The following GRID2 variants were observed in gnomAD, a reference collection of about 807,000 sequenced individuals.
The protein encoded by GRID2 is glutamate receptor ionotropic, delta-2.
In GRID2, 33 loss-of-function variants were observed where a neutral mutation model predicts 114.8. That is an observed-to-expected ratio of 0.29 (90% CI 0.22 to 0.38). GRID2 has a LOEUF of 0.38. Among genes scored for constraint, GRID2 ranks in the 10% least tolerant of loss-of-function variants. The pLI, the probability that GRID2 is intolerant of heterozygous loss-of-function variation, is 1.00. For missense variants in GRID2, 1,184 were observed against 1,257.7 expected (o/e 0.94, Z 0.89); for synonymous variants, 505 against 449.9 (o/e 1.12, Z -1.55).
chr4:93,353,247 T>C (rs1760980885), intron 8 of GRID2, among the ~76,000 whole-genome samples: 1 of 151,904 alleles, frequency 6.6e-6, no homozygotes, highest in African/African-American at 2.4e-5. Flanking sequence ...AGGAGAGCTG[T>C]CACCAGATGT....
Position 93,608,625 on chromosome 4 carries a change from T to C in GRID2, c.2194-17644T>C, listed in dbSNP as rs1254773294. Among the ~76,000 whole-genome samples, 835 of 137,524 alleles carry C rather than the reference T, an allele frequency of 6.1e-3. 5 individuals carry two copies. The highest frequency in any genetic ancestry group is 0.023 in the East Asian group (110 of 4,812). 90.2% of individuals were successfully genotyped at this position (137,524 alleles called of 152,430 possible). A position where few individuals can be genotyped will look rare whatever the true frequency, so the allele number is the denominator to read the frequency against. ...TGGTTTCCAATTTCATCCATGTCCC[T>C]ACAAAGGACATGAACTCATCATTTT... On this transcript the variant is annotated intron_variant, in intron 13 of 15. Coordinates refer to ENST00000282020, the MANE Select transcript of GRID2 (RefSeq NM_001510.4).
chr4:92,411,872 A>T (rs1248888664), intron 1 of GRID2, among the ~76,000 whole-genome samples: 2 of 151,024 alleles, frequency 1.3e-5, no homozygotes, highest in East Asian at 3.9e-4. Context: ...CGCCCGGCTA[A>T]TTTTTTGTAT....
intron 9 of GRID2, among the ~76,000 whole-genome samples, chr4:93,414,054 G>A (rs1767467123): frequency 6.6e-6 from 1 of 152,122 alleles, no homozygotes; most frequent in Non-Finnish European, 1.5e-5. Context: ...CCTCCACTGA[G>A]CACCTCTAGG....
At chr4:93,587,528 A>G (rs1416540968) in intron 13 of GRID2, among the ~76,000 whole-genome samples, 1 of 152,122 alleles carries the variant, frequency 6.6e-6, no homozygotes, top group Non-Finnish European at 1.5e-5. Flanking sequence ...TAGTTAGAGT[A>G]TATTTTAAAA....
intron 2 of GRID2, among the ~76,000 whole-genome samples, chr4:92,728,600 TACTC>T (rs1560557796): frequency 2.1e-4 from 32 of 151,996 alleles, no homozygotes; most frequent in African/African-American, 7.0e-4. Flanking sequence ...TTCAGTAAAC[TACTC>T]TTGGAAGTAA....
chr4:92,719,018 G>C (rs1243156890), intron 2 of GRID2, among the ~76,000 whole-genome samples: 1 of 150,356 alleles, frequency 6.7e-6, no homozygotes, highest in Non-Finnish European at 1.5e-5. Context: ...ATGGAGTCTC[G>C]CTCTGTCACC....
At chr4:92,511,357 G>GC (rs1182208355) in intron 1 of GRID2, among the ~76,000 whole-genome samples, 1 of 151,762 alleles carries the variant, frequency 6.6e-6, no homozygotes, top group African/African-American at 2.4e-5. Flanking sequence ...TGAAGAATCT[G>GC]CCCCCATGAT....
At chr4:92,837,494 G>T (rs1742541082) in intron 2 of GRID2, among the ~76,000 whole-genome samples, 1 of 149,620 alleles carries the variant, frequency 6.7e-6, no homozygotes, top group Non-Finnish European at 1.5e-5. Flanking sequence ...AAAAAAAAAG[G>T]CCATGTACAT....
At chr4:93,113,318 G>C (rs1267215974) in intron 4 of GRID2, among the ~76,000 whole-genome samples, 1 of 152,124 alleles carries the variant, frequency 6.6e-6, no homozygotes, top group Non-Finnish European at 1.5e-5. Flanking sequence ...GAAAACTGAG[G>C]TGTACAGGGT....
chr4:92,492,922 A>G (rs1368108977), intron 1 of GRID2, among the ~76,000 whole-genome samples: 2 of 152,046 alleles, frequency 1.3e-5, no homozygotes, highest in Non-Finnish European at 2.9e-5. Context: ...GGAGGTCAGG[A>G]GTTCAAGATT....
intron 2 of GRID2, among the ~76,000 whole-genome samples, chr4:92,756,250 A>C (rs1737715672): frequency 3.3e-5 from 5 of 152,090 alleles, no homozygotes; most frequent in Admixed American, 3.3e-4. Flanking sequence ...TATTTCCATC[A>C]ATGTTGCTGT....
chr4:92,366,074 A>G (rs902283460), intron 1 of GRID2, among the ~76,000 whole-genome samples: 2 of 152,136 alleles, frequency 1.3e-5, no homozygotes, highest in East Asian at 1.9e-4. Context: ...CTTTGCTCTT[A>G]TAGACACTAT....
chr4:92,559,128 A>T (rs1726999422), intron 1 of GRID2, among the ~76,000 whole-genome samples: 1 of 152,150 alleles, frequency 6.6e-6, no homozygotes, highest in Non-Finnish European at 1.5e-5. Context: ...ATTTTGCTTA[A>T]TTTAATTTTA....
intron 7 of GRID2, among the ~76,000 whole-genome samples, chr4:93,234,589 C>T (rs997161952): frequency 6.6e-6 from 1 of 150,776 alleles, no homozygotes; most frequent in Non-Finnish European, 1.5e-5. Context: ...TGTTACATGG[C>T]AACTCAAATT....
At chr4:93,007,727 C>T (rs1721698528) in intron 2 of GRID2, among the ~76,000 whole-genome samples, 1 of 151,902 alleles carries the variant, frequency 6.6e-6, no homozygotes, top group Non-Finnish European at 1.5e-5. Flanking sequence ...TAGAATTTTG[C>T]AGTTCAAACT....
At chr4:92,942,073 T>G (rs777194760) in intron 2 of GRID2, among the ~76,000 whole-genome samples, 9 of 152,214 alleles carry the variant, frequency 5.9e-5, no homozygotes, top group Non-Finnish European at 1.3e-4. Flanking sequence ...GTTCTGTAGA[T>G]GTATATTAGG....
Position 93,613,919 on chromosome 4 carries a change from C to T in GRID2, c.2194-12350C>T, listed in dbSNP as rs1014896554. ...GGCGCCCCTCCCCCAGCCTAGTTGC[C>T]GCCTTGCAGTTTGATCTCAGACTGC... On this transcript the variant is annotated intron_variant, in intron 13 of 15. Coordinates refer to ENST00000282020, the MANE Select transcript of GRID2 (RefSeq NM_001510.4). 9.1e-4 allele frequency among the ~76,000 whole-genome samples: 138 copies of T among 151,646 alleles called. 2 individuals are homozygous for T. The East Asian group carries it at 0.025, about 28-fold the overall frequency.
At chr4:92,948,435 G>T (rs934789240) in intron 2 of GRID2, among the ~76,000 whole-genome samples, 2 of 151,428 alleles carry the variant, frequency 1.3e-5, no homozygotes, top group Non-Finnish European at 1.5e-5. Flanking sequence ...AAAGATATGG[G>T]GTAAATACAT....
intron 1 of GRID2, among the ~76,000 whole-genome samples, chr4:92,440,439 G>C (rs372043881): frequency 6.6e-6 from 1 of 151,744 alleles, no homozygotes; most frequent in African/African-American, 2.4e-5. Flanking sequence ...AGACTAAGAG[G>C]TATTTCAGTT....
Sources: allele counts gnomAD v4.1 joint callset (sites outside exome capture counted in the v4.1 genomes callset), GRCh38; gene constraint gnomAD v4.1.1; transcripts MANE v1.5; gene names NCBI Gene and HGNC (gene_info 2026-07-23, HGNC 2026-07-21).